The following JPT1 variants were observed in gnomAD, a reference collection of about 807,000 sequenced individuals.
JPT1 encodes the protein Jupiter microtubule associated homolog 1, also known as androgen-regulated protein 2.
A neutral mutation model predicts 17.0 loss-of-function variants in JPT1; 5 were observed. That is an observed-to-expected ratio of 0.29 (90% confidence interval 0.15 to 0.62). The LOEUF is 0.62. Among genes scored for constraint, JPT1 ranks in the 20% least tolerant of loss-of-function variants. The probability of loss-of-function intolerance (pLI) is 0.85; values close to 1 mark genes in which losing one functional copy is unlikely to be tolerated. For missense variants in JPT1, 158 were observed against 188.1 expected (o/e 0.84, Z 0.94); for synonymous variants, 71 against 73.6 (o/e 0.96, Z 0.18).
intron 4 of JPT1, among the ~76,000 whole-genome samples, chr17:75,139,750 G>A (rs778930200): frequency 7.2e-5 from 11 of 152,070 alleles, no homozygotes; most frequent in Non-Finnish European, 1.5e-5. Flanking sequence ...CCCGGGAGGC[G>A]GAGTTTGAAG....
rs572533855 is a variant in JPT1 at position 75,144,536 on chromosome 17, A to G, written c.316+2130T>C. Reference sequence around the variant, plus strand: ...AGAAAAAAATAAAAAAAAATGTATCATATATTCATAATGAACCTGTAAACA... The same window carrying G: ...AGAAAAAAATAAAAAAAAATGTATCGTATATTCATAATGAACCTGTAAACA... On this transcript the variant is annotated intron_variant, in intron 4 of 4. Transcript: ENST00000409753. Among the ~76,000 whole-genome samples the G allele has an allele frequency of 2.6e-5, 4 of 152,270 alleles. No individual in the cohort carries two copies. In the South Asian group the frequency reaches 8.3e-4, roughly 32 times the overall value.
intron 1 of JPT1, among the ~76,000 whole-genome samples, chr17:75,151,969 C>CA (rs534793986): frequency 0.022 from 2,601 of 116,824 alleles, 64 homozygotes; most frequent in South Asian, 0.098. Context: ...AACTGCGTCT[C>CA]AAAAAAAAAA....
In JPT1 at chr17:75,146,895, C is replaced by G. The variant is rs138251478; in HGVS notation, c.298-211G>C. On this transcript the variant is annotated intron_variant, in intron 3 of 4. Transcript: ENST00000409753. ...ATGATAAATTGCTCTAGTGCTAGTA[C>G]CACGTCTACAACAAACCCCAACATT... The G allele has an allele frequency of 8.1e-4, 417 of 512,290 alleles. 1 individual carries two copies. In the East Asian group the frequency reaches 0.014, roughly 18 times the overall value. 31.7% of individuals were successfully genotyped at this position (512,290 alleles called of 1,614,324 possible).
intron 1 of JPT1, chr17:75,154,046 A>C (rs1352426498): frequency 4.9e-6 from 1 of 203,552 alleles, no homozygotes; most frequent in Non-Finnish European, 9.7e-6. Flanking sequence ...GCCCTCCCCG[A>C]AGGTTCCGAT....
chr17:75,149,886 T>C lies in JPT1; in HGVS notation c.57-1215A>G, dbSNP rs867638413. ...TTACACACACACACACACACACACT[T>C]AAGTCAGCTTGACCAATTTAGAAGC... On this transcript the variant is annotated intron_variant, in intron 1 of 4. Coordinates refer to ENST00000409753, the MANE Select transcript of JPT1 (RefSeq NM_016185.4). Among the ~76,000 whole-genome samples, 5 of 128,748 alleles carry C rather than the reference T, an allele frequency of 3.9e-5. No individual in the cohort carries two copies. In the East Asian group the frequency reaches 1.2e-3, roughly 30 times the overall value. 84.5% of individuals were successfully genotyped at this position (128,748 alleles called of 152,430 possible).
chr17:75,136,310 AG>A (rs1414479893), intron 4 of JPT1, 60 bp from the exon 5 acceptor site: 1 of 1,473,696 alleles, frequency 6.8e-7, no homozygotes, highest in East Asian at 2.3e-5. Flanking sequence ...GTTAAGATCA[AG>A]GATCTGTTTC....
At chr17:75,145,424 A>C (rs1162599703) in intron 4 of JPT1, 1 of 152,210 alleles carries the variant, frequency 6.6e-6, no homozygotes, top group African/African-American at 2.4e-5. Context: ...TGTTACAGAA[A>C]TGCCAATAAA....
Position 75,136,199 on chromosome 17 carries a change from G to C in JPT1, c.368C>G (p.Pro123Arg). Residue 123 changes from proline (P) to arginine (R), a missense_variant, in exon 5 of 5, where the codon CCC becomes CGC. Coordinates refer to ENST00000409753, the MANE Select transcript of JPT1 (RefSeq NM_016185.4). Reference sequence around the variant, plus strand: ...GCTGGGCACAGGCGCAGCAGGCACGGGCTTCTCTTCACTCTGCCCCAGGCT... The same window carrying C: ...GCTGGGCACAGGCGCAGCAGGCACGCGCTTCTCTTCACTCTGCCCCAGGCT... The part of the protein sequence containing the change: ...PGSLGQSEEK[P>R]VPAAPVPSPV... 6.2e-7 allele frequency: 1 copy of C among 1,613,370 alleles called. No homozygotes were observed. Among genetic ancestry groups the C allele is most frequent in the African/African-American group, 1.3e-5 (1 of 75,028 alleles).
intron 1 of JPT1, among the ~76,000 whole-genome samples, chr17:75,151,203 T>G (rs1456493396): frequency 6.6e-6 from 1 of 151,984 alleles, no homozygotes; most frequent in Non-Finnish European, 1.5e-5. Flanking sequence ...CGTGGTGATG[T>G]GAACCTGTAA....
intron 4 of JPT1, chr17:75,145,181 A>C (rs2074401563): frequency 6.8e-6 from 1 of 147,954 alleles, no homozygotes; most frequent in East Asian, 2.0e-4. Context: ...AAAAAAAAAA[A>C]AAAACACAAC....
chr17:75,150,323 G>C (rs993703247), intron 1 of JPT1, among the ~76,000 whole-genome samples: 1 of 150,988 alleles, frequency 6.6e-6, no homozygotes, highest in Non-Finnish European at 1.5e-5. Context: ...GTGCAATCTC[G>C]GCTCACTGCA....
Position 75,135,860 on chromosome 17 carries a change from CTAAG to C in JPT1, c.*238_*241del. ...ATTATTTCTTCTTAAAAACACAGTA[CTAAG>C]TGTCACAAAGCTTTCCCTCCAATCT... On this transcript the variant is annotated 3_prime_UTR_variant, in exon 5 of 5. Coordinates refer to ENST00000409753, the MANE Select transcript of JPT1 (RefSeq NM_016185.4). 2 of 740,274 alleles carry C rather than the reference CTAAG, an allele frequency of 2.7e-6. No homozygotes were observed. Among genetic ancestry groups the C allele is most frequent in the South Asian group, 1.9e-5 (1 of 51,874 alleles). The allele number at this position is 740,274 out of a possible 1,614,324, so 45.9% of individuals were successfully genotyped here.
chr17:75,146,407 C>T, intron 4 of JPT1: 2 of 344,010 alleles, frequency 5.8e-6, no homozygotes, highest in Non-Finnish European at 1.1e-5. Context: ...CCTGCCTCAG[C>T]CTCCCAAAGT....
rs551471376 is a variant in JPT1 at position 75,136,898 on chromosome 17, C to CTG, written c.317-650_317-649dup. Reference sequence around the variant, plus strand: ...ATTCCCAGAGGTCCCACTGCAAGTCCTGTGCAGCCTTCTAGTCCACTTGTT... The same window carrying CTG: ...ATTCCCAGAGGTCCCACTGCAAGTCCTGTGTGCAGCCTTCTAGTCCACTTGTT... On this transcript the variant is annotated intron_variant, in intron 4 of 4. Transcript: ENST00000409753. Among the ~76,000 whole-genome samples, 197 of 152,328 alleles carry CTG rather than the reference C, an allele frequency of 1.3e-3. 1 individual carries two copies. The highest frequency in any genetic ancestry group is 4.6e-3 in the African/African-American group (190 of 41,582).
chr17:75,146,102 T>C (rs2074427061), intron 4 of JPT1, among the ~76,000 whole-genome samples: 1 of 152,120 alleles, frequency 6.6e-6, no homozygotes, highest in Non-Finnish European at 1.5e-5. Context: ...TCATTAAGTG[T>C]AACAAATACT....
At position 75,154,478 on chromosome 17, in the gene JPT1, C is replaced by G. The variant is rs530478572; in HGVS notation, c.-81G>C. On this transcript the variant is annotated 5_prime_UTR_variant, in exon 1 of 5. Coordinates refer to ENST00000409753, the MANE Select transcript of JPT1 (RefSeq NM_016185.4). ...CCGAGGGGCGCTGGGAAACTCCACA[C>G]CCAACAGCCGACCACCGCTGCAGGA... is the stretch of plus-strand genomic sequence containing the variant. The G allele has an allele frequency of 8.2e-6, 11 of 1,343,432 alleles. No homozygotes were observed. The Admixed American group carries it at 1.9e-4, about 23-fold the overall frequency. 83.2% of individuals were successfully genotyped at this position (1,343,432 alleles called of 1,614,324 possible). A position where few individuals can be genotyped will look rare whatever the true frequency, so the allele number is the denominator to read the frequency against.
intron 4 of JPT1, chr17:75,145,553 C>A (rs912691398): frequency 3.9e-5 from 6 of 152,176 alleles, no homozygotes; most frequent in Non-Finnish European, 7.3e-5. Flanking sequence ...TTTACAAAAT[C>A]ACCAAGCAGG....
chr17:75,142,642 A>AG (rs1212309311), intron 4 of JPT1: 8 of 241,936 alleles, frequency 3.3e-5, no homozygotes, highest in African/African-American at 1.2e-4. Flanking sequence ...GAGGGAGGGG[A>AG]GGGGGGGATG....
chr17:75,143,954 T>C (rs192142965), intron 4 of JPT1, among the ~76,000 whole-genome samples: 5 of 151,924 alleles, frequency 3.3e-5, no homozygotes, highest in African/African-American at 9.7e-5. Flanking sequence ...GTCCAGGAGG[T>C]TGAGGCTATA....
Sources: allele counts gnomAD v4.1 joint callset (sites outside exome capture counted in the v4.1 genomes callset), GRCh38; gene constraint gnomAD v4.1.1; transcripts MANE v1.5; gene names NCBI Gene and HGNC (gene_info 2026-07-23, HGNC 2026-07-21).